The following ARPP21 variants were observed in gnomAD, a reference collection of about 807,000 sequenced individuals.
ARPP21 encodes the protein cAMP regulated phosphoprotein 21, also known as cAMP-regulated phosphoprotein 21.
A neutral mutation model predicts 113.2 loss-of-function variants in ARPP21; 69 were observed. That is an observed-to-expected ratio of 0.61 (90% CI 0.50 to 0.74). ARPP21 has a LOEUF of 0.74. Among genes scored for constraint, ARPP21 ranks in the 30% least tolerant of loss-of-function variants. The pLI is 0.00. For missense variants in ARPP21, 1,070 were observed against 1,037.4 expected (o/e 1.03, Z -0.43); for synonymous variants, 368 against 375.5 (o/e 0.98, Z 0.23).
chr3:35,715,567 G>A, intron 12 of ARPP21, 91 bp downstream of exon 12: 1 of 1,031,140 alleles, frequency 9.7e-7, no homozygotes. Context: ...CCATATATGT[G>A]TGTGCTTGAA....
intron 1 of ARPP21, among the ~76,000 whole-genome samples, chr3:35,674,588 C>A (rs1004115108): frequency 1.3e-5 from 2 of 151,768 alleles, no homozygotes; most frequent in African/African-American, 4.8e-5. Context: ...ATGTGATTTT[C>A]TATGTGGCTT....
intron 5 of ARPP21, among the ~76,000 whole-genome samples, chr3:35,687,403 G>A (rs2080952165): frequency 6.7e-6 from 1 of 150,364 alleles, no homozygotes; most frequent in Non-Finnish European, 1.5e-5. Flanking sequence ...GCTGTGATGA[G>A]AGCTTACTGA....
intron 19 of ARPP21, among the ~76,000 whole-genome samples, chr3:35,746,746 C>T (rs2095080576): frequency 6.6e-6 from 1 of 152,170 alleles, no homozygotes; most frequent in African/African-American, 2.4e-5. Context: ...CTTCTTGGCG[C>T]TGTTCTTAAT....
In ARPP21 at chr3:35,721,666, C is replaced by A; in HGVS notation, c.1057C>A (p.Leu353Ile). 6.2e-7 allele frequency: 1 copy of A among 1,613,924 alleles called. No homozygotes were observed. The highest frequency in any genetic ancestry group is 8.5e-7 in the Non-Finnish European group (1 of 1,179,922). Residue 353 changes from leucine to isoleucine, a missense_variant, in exon 14 of 21, where the codon CTC becomes ATC. Leu to Ile is a conservative substitution (Grantham distance 5). Coordinates refer to ENST00000684406, the MANE Select transcript of ARPP21 (RefSeq NM_001385562.1). ...TCGACAGAGCAGCTCAGAAAATGAA[C>A]TCAAGTGGTCTGACCACCAAAGGGC... is the stretch of plus-strand genomic sequence containing the variant. ...GSRQSSSENELKWSDHQRAWS... is the reference protein window; with the variant it reads ...GSRQSSSENEIKWSDHQRAWS...
At chr3:35,752,241 AC>A (rs1429082652) in intron 19 of ARPP21, among the ~76,000 whole-genome samples, 1 of 151,936 alleles carries the variant, frequency 6.6e-6, no homozygotes, top group Non-Finnish European at 1.5e-5. Context: ...TACTATGATA[AC>A]AGTATCAATC....
Position 35,793,993 on chromosome 3 carries a change from C to T in ARPP21, c.*35C>T, listed in dbSNP as rs894518474. On this transcript the variant is annotated 3_prime_UTR_variant, in exon 21 of 21. Transcript: ENST00000684406. The stretch of plus-strand genomic sequence containing the variant: ...CTGTGGTACATTTCTTCAGATATTT[C>T]TCATGGCCTTTGATGGAAGAGGAAC... 1 of 1,580,570 alleles carries T rather than the reference C, an allele frequency of 6.3e-7. No individual in the cohort carries two copies.
intron 14 of ARPP21, among the ~76,000 whole-genome samples, chr3:35,722,041 C>T (rs1267674579): frequency 1.2e-4 from 18 of 152,124 alleles, no homozygotes; most frequent in Admixed American, 1.2e-3. Flanking sequence ...CTCCAAGTTT[C>T]AGTTTTCTTA....
At chr3:35,671,560 G>GA (rs2076352015) in intron 1 of ARPP21, among the ~76,000 whole-genome samples, 1 of 152,014 alleles carries the variant, frequency 6.6e-6, no homozygotes, top group African/African-American at 2.4e-5. Flanking sequence ...AAAACAGGGA[G>GA]AAAAAACAAA....
chr3:35,668,004 AGAAGAAGAAGAAG>A, intron 1 of ARPP21, among the ~76,000 whole-genome samples: 1 of 150,312 alleles, frequency 6.7e-6, no homozygotes, highest in Non-Finnish European at 1.5e-5. Context: ...AAGAAGAAGA[AGAAGAAGAAGAAG>A]AAGAAGAAGA....
intron 2 of ARPP21, chr3:35,681,133 G>C (rs1215877074): frequency 2.6e-5 from 4 of 151,790 alleles, no homozygotes; most frequent in Non-Finnish European, 5.9e-5. Flanking sequence ...TAATAATGTA[G>C]CTGTCAGTTC....
chr3:35,793,164 T>C (rs575212765), intron 20 of ARPP21, among the ~76,000 whole-genome samples: 4 of 152,234 alleles, frequency 2.6e-5, no homozygotes, highest in East Asian at 3.8e-4. Flanking sequence ...CCTACCCTAC[T>C]ATTCTGATTC....
intron 9 of ARPP21, among the ~76,000 whole-genome samples, chr3:35,703,237 A>AT (rs2087196433): frequency 6.6e-6 from 1 of 151,956 alleles, no homozygotes. Context: ...AAGATTAAAA[A>AT]TACTAATAAT....
intron 9 of ARPP21, among the ~76,000 whole-genome samples, chr3:35,705,972 A>G (rs1238527365): frequency 6.6e-6 from 1 of 152,182 alleles, no homozygotes; most frequent in African/African-American, 2.4e-5. Context: ...GGAGCAAATG[A>G]TAAGTTTCTC....
intron 11 of ARPP21, chr3:35,715,132 G>A (rs893619029): frequency 7.4e-5 from 19 of 255,312 alleles, no homozygotes; most frequent in East Asian, 6.4e-4. Context: ...CCACTAGCTC[G>A]GAATCCGACG....
intron 19 of ARPP21, among the ~76,000 whole-genome samples, chr3:35,748,114 A>G (rs138632548): frequency 0.22 from 18,803 of 86,822 alleles, 2,120 homozygotes; most frequent in African/African-American, 0.26. Flanking sequence ...AAGAAAGAAG[A>G]AAGAAAGAAA....
At chr3:35,673,010 C>T (rs371076969) in intron 1 of ARPP21, among the ~76,000 whole-genome samples, 26 of 152,046 alleles carry the variant, frequency 1.7e-4, no homozygotes, top group East Asian at 9.7e-4. Context: ...TAATAATCTA[C>T]GTAGAAAACT....
intron 9 of ARPP21, among the ~76,000 whole-genome samples, chr3:35,698,579 T>G (rs2084988332): frequency 5.3e-5 from 8 of 151,618 alleles, no homozygotes. Context: ...ATCCATCTCT[T>G]GTTCTTATCT....
intron 20 of ARPP21, 121 bp from the exon 21 acceptor site, chr3:35,793,580 G>A (rs2096789899): frequency 2.9e-6 from 2 of 690,340 alleles, no homozygotes; most frequent in Admixed American, 2.3e-5. Flanking sequence ...TGGCAGAGCT[G>A]GAATTGATGA....
intron 1 of ARPP21, among the ~76,000 whole-genome samples, chr3:35,664,694 G>T (rs1445548465): frequency 6.6e-6 from 1 of 152,164 alleles, no homozygotes; most frequent in African/African-American, 2.4e-5. Flanking sequence ...CGGGGGCTGT[G>T]GCGGTTGCGT....
Sources: allele counts gnomAD v4.1 joint callset (sites outside exome capture counted in the v4.1 genomes callset), GRCh38; gene constraint gnomAD v4.1.1; transcripts MANE v1.5; gene names NCBI Gene and HGNC (gene_info 2026-07-23, HGNC 2026-07-21).